GRB14: variants seen among roughly 807,000 people sequenced by gnomAD.
GRB14 encodes growth factor receptor bound protein 14, also known as growth factor receptor-bound protein 14.
A neutral mutation model predicts 69.1 loss-of-function variants in GRB14; 38 were observed. The ratio of observed to expected loss-of-function variants is 0.55; its 90% CI spans 0.42 to 0.72. The LOEUF (loss-of-function observed/expected upper bound fraction) is 0.72, where lower values mean the gene tolerates loss of function less well. Among genes scored for constraint, GRB14 ranks in the 30% least tolerant of loss-of-function variants. GRB14 has a pLI of 0.00. For synonymous variants in GRB14, 247 were observed against 241.3 expected (o/e 1.02, Z -0.22); for missense variants, 666 against 666.1 (o/e 1.00, Z 0.00).
intron 2 of GRB14, among the ~76,000 whole-genome samples, chr2:164,595,323 C>G (rs1184008059): frequency 6.6e-6 from 1 of 152,112 alleles, no homozygotes; most frequent in Non-Finnish European, 1.5e-5. Context: ...ATCTGAGTGT[C>G]TAGTGGCAGA....
At chr2:164,528,527 T>G (rs980817584) in intron 3 of GRB14, among the ~76,000 whole-genome samples, 1 of 152,126 alleles carries the variant, frequency 6.6e-6, no homozygotes, top group Non-Finnish European at 1.5e-5. Context: ...AGACATTTAT[T>G]CATCCAAAAA....
intron 2 of GRB14, among the ~76,000 whole-genome samples, chr2:164,576,942 T>C (rs1689265989): frequency 6.6e-6 from 1 of 151,430 alleles, no homozygotes; most frequent in Admixed American, 6.6e-5. Context: ...GGTACCAAAA[T>C]ATACAAAATA....
At chr2:164,527,296 T>C (rs889449445) in intron 3 of GRB14, among the ~76,000 whole-genome samples, 161 bp from the exon 4 acceptor site, 2 of 149,592 alleles carry the variant, frequency 1.3e-5, no homozygotes, top group Non-Finnish European at 3.0e-5. Context: ...AACTTAATTA[T>C]GAGATAGCCA....
At chr2:164,569,466 C>T (rs1297113230) in intron 2 of GRB14, among the ~76,000 whole-genome samples, 2 of 152,200 alleles carry the variant, frequency 1.3e-5, no homozygotes. Flanking sequence ...CTGCTCAATG[C>T]TCTTCAATCC....
At chr2:164,588,546 A>T (rs751640584) in intron 2 of GRB14, among the ~76,000 whole-genome samples, 9 of 151,926 alleles carry the variant, frequency 5.9e-5, no homozygotes, top group Non-Finnish European at 1.0e-4. Flanking sequence ...GAAAATATGA[A>T]TTTTTTTTAC....
In GRB14 at chr2:164,565,477, C is replaced by T. The variant is rs773734262; in HGVS notation, c.325-17661G>A. Among the ~76,000 whole-genome samples, 8 of 152,258 alleles carry T rather than the reference C, an allele frequency of 5.3e-5. No individual in the cohort carries two copies. The South Asian group carries it at 8.3e-4, about 16-fold the overall frequency. On this transcript the variant is annotated intron_variant, in intron 2 of 13. Transcript: ENST00000263915. ...TCCATATTAATTTCAGGAGGTAACA[C>T]GTATCTAGGAGAAGCATACTGGAAG... is the stretch of plus-strand genomic sequence containing the variant.
intron 3 of GRB14, 147 bp downstream of exon 3, chr2:164,547,513 G>C: frequency 1.8e-6 from 1 of 560,108 alleles, no homozygotes; most frequent in Non-Finnish European, 2.9e-6. Context: ...AGGAAAAAAA[G>C]AAAAAAGAAT....
chr2:164,536,465 T>C (rs1037015865), intron 3 of GRB14, among the ~76,000 whole-genome samples: 5 of 152,192 alleles, frequency 3.3e-5, no homozygotes, highest in African/African-American at 1.2e-4. Flanking sequence ...TTAAAGGAAA[T>C]TTTACAAATA....
At chr2:164,495,805 C>A (rs752105913) in intron 12 of GRB14, among the ~76,000 whole-genome samples, 3 of 152,162 alleles carry the variant, frequency 2.0e-5, no homozygotes, top group Non-Finnish European at 4.4e-5. Flanking sequence ...AGTAGATCAC[C>A]ACTACCACCT....
intron 3 of GRB14, among the ~76,000 whole-genome samples, chr2:164,541,808 C>A (rs181944693): frequency 6.6e-6 from 1 of 152,158 alleles, no homozygotes; most frequent in Non-Finnish European, 1.5e-5. Context: ...ACCCGTCACC[C>A]AGAAAGTGAG....
intron 2 of GRB14, among the ~76,000 whole-genome samples, chr2:164,618,810 C>A (rs557836607): frequency 2.0e-5 from 3 of 152,212 alleles, no homozygotes; most frequent in Admixed American, 2.0e-4. Context: ...GAAAAATGGC[C>A]AACTGTCTTG....
At chr2:164,544,050 A>G (rs959442671) in intron 3 of GRB14, among the ~76,000 whole-genome samples, 2 of 152,206 alleles carry the variant, frequency 1.3e-5, no homozygotes, top group African/African-American at 4.8e-5. Context: ...AAAACACAAG[A>G]AGGCTCTGGA....
chr2:164,574,484 C>G (rs1364392327), intron 2 of GRB14, among the ~76,000 whole-genome samples: 1 of 152,042 alleles, frequency 6.6e-6, no homozygotes, highest in Admixed American at 6.6e-5. Context: ...GATCCGCCCA[C>G]CTTGGCCTCC....
At chr2:164,516,178 T>G (rs895186230) in intron 6 of GRB14, among the ~76,000 whole-genome samples, 1 of 152,126 alleles carries the variant, frequency 6.6e-6, no homozygotes, top group Non-Finnish European at 1.5e-5. Context: ...CCCAGCCTGC[T>G]AGAGATCTAG....
intron 6 of GRB14, among the ~76,000 whole-genome samples, chr2:164,517,540 C>A (rs1444208528): frequency 6.6e-6 from 1 of 152,094 alleles, no homozygotes; most frequent in Admixed American, 6.6e-5. Flanking sequence ...CTGTAAATGG[C>A]CTAAATGTTC....
At position 164,613,003 on chromosome 2, in the gene GRB14, G is replaced by A. The variant is rs1690202735; in HGVS notation, c.324+6684C>T. Among the ~76,000 whole-genome samples the A allele has an allele frequency of 2.6e-5, 4 of 152,336 alleles. No individual in the cohort carries two copies. The South Asian group carries it at 8.3e-4, about 32-fold the overall frequency. On this transcript the variant is annotated intron_variant, in intron 2 of 13. Transcript: ENST00000263915. ...GAAGGTAACTAGCATAAGGTGGGAA[G>A]GAACCTGAGTTGGTAATTCCTGTCA...
intron 2 of GRB14, among the ~76,000 whole-genome samples, chr2:164,579,645 A>G (rs1038580540): frequency 6.6e-6 from 1 of 152,188 alleles, no homozygotes; most frequent in Non-Finnish European, 1.5e-5. Flanking sequence ...ACATACAGAG[A>G]AAGTGCACAC....
In GRB14 at chr2:164,522,052, C is replaced by T; in HGVS notation, c.744G>A (p.Lys248=). The change falls in exon 6 of 14, where the codon AAG becomes AAA. Residue 248 remains lysine (K), a synonymous_variant. Transcript: ENST00000263915. ...HGFLHAKEQG[K]KSWKKIYFFL... ...AAAAGTAAATTTTTTTCCAAGACTT[C>T]TTTCCCTGTTCTTTCGCATGTAAGA... 2 of 1,603,360 alleles carry T rather than the reference C, an allele frequency of 1.2e-6. No homozygotes were observed. Among genetic ancestry groups the T allele is most frequent in the South Asian group, 1.1e-5 (1 of 90,356 alleles).
intron 2 of GRB14, among the ~76,000 whole-genome samples, chr2:164,602,567 T>C (rs1251851473): frequency 6.6e-6 from 1 of 152,248 alleles, no homozygotes; most frequent in South Asian, 2.1e-4. Flanking sequence ...CTCACTATCA[T>C]TGAAAATGCT....
Sources: allele counts gnomAD v4.1 joint callset (sites outside exome capture counted in the v4.1 genomes callset), GRCh38; gene constraint gnomAD v4.1.1; transcripts MANE v1.5; gene names NCBI Gene and HGNC (gene_info 2026-07-23, HGNC 2026-07-21).